RABGAP1L: variants seen among roughly 807,000 people sequenced by gnomAD.
The protein encoded by RABGAP1L is RAB GTPase activating protein 1 like, also known as rab GTPase-activating protein 1-like.
A neutral mutation model predicts 137.7 loss-of-function variants in RABGAP1L; 63 were observed. That is an observed-to-expected ratio of 0.46 (90% confidence interval 0.37 to 0.56). RABGAP1L has a LOEUF of 0.56. Among genes scored for constraint, RABGAP1L ranks in the 20% least tolerant of loss-of-function variants. The pLI, the probability that RABGAP1L is intolerant of heterozygous loss-of-function variation, is 0.00. For synonymous variants in RABGAP1L, 431 were observed against 433.7 expected, an observed-to-expected ratio of 0.99 and a Z score of 0.08; for missense variants, 1,095 against 1,244.0, an observed-to-expected ratio of 0.88 and a Z score of 1.80.
At chr1:174,412,689 GA>G (rs1291186199) in intron 13 of RABGAP1L, among the ~76,000 whole-genome samples, 1 of 152,012 alleles carries the variant, frequency 6.6e-6, no homozygotes, top group African/African-American at 2.4e-5. Flanking sequence ...TTGCTCGTCT[GA>G]AAAAGGTTTT....
intron 20 of RABGAP1L, chr1:174,965,062 A>G: frequency 9.1e-7 from 1 of 1,095,108 alleles, no homozygotes; most frequent in East Asian, 2.6e-5. Context: ...TCCTCCTCCC[A>G]AAAGTTACTA....
At chr1:174,722,402 C>T (rs1337618736) in intron 17 of RABGAP1L, among the ~76,000 whole-genome samples, 3 of 151,470 alleles carry the variant, frequency 2.0e-5, no homozygotes, top group Non-Finnish European at 2.9e-5. Flanking sequence ...ATTAGGGTCT[C>T]GGAACATGAA....
chr1:174,859,970 TTTTTTTC>T (rs1223416659), intron 19 of RABGAP1L, among the ~76,000 whole-genome samples: 6 of 130,122 alleles, frequency 4.6e-5, no homozygotes, highest in African/African-American at 7.4e-5. Flanking sequence ...TTTTTTTTTT[TTTTTTTC>T]CAAATAAAGT....
intron 11 of RABGAP1L, among the ~76,000 whole-genome samples, chr1:174,306,899 T>C (rs573009760): frequency 6.6e-6 from 1 of 152,216 alleles, no homozygotes; most frequent in Non-Finnish European, 1.5e-5. Context: ...AGTAAATTTC[T>C]TAATTTTTAT....
chr1:174,274,337 A>G (rs1234193496), intron 8 of RABGAP1L, among the ~76,000 whole-genome samples: 1 of 152,040 alleles, frequency 6.6e-6, no homozygotes, highest in Non-Finnish European at 1.5e-5. Context: ...TGAATGATGG[A>G]CCCATACTTT....
At chr1:174,830,513 A>G (rs1295127089) in intron 19 of RABGAP1L, among the ~76,000 whole-genome samples, 3 of 145,948 alleles carry the variant, frequency 2.1e-5, no homozygotes, top group East Asian at 2.1e-4. Context: ...GTCTCACTCT[A>G]TCTCCCAGGC....
At chr1:174,736,167 C>T (rs1048140942) in intron 17 of RABGAP1L, among the ~76,000 whole-genome samples, 4 of 152,184 alleles carry the variant, frequency 2.6e-5, no homozygotes, top group Non-Finnish European at 4.4e-5. Flanking sequence ...ATCCTTCTAC[C>T]TGTAAGTCTA....
intron 4 of RABGAP1L, among the ~76,000 whole-genome samples, chr1:174,240,389 G>A (rs561798782): frequency 4.6e-5 from 7 of 152,300 alleles, no homozygotes; most frequent in Non-Finnish European, 8.8e-5. Flanking sequence ...TGGGAATACC[G>A]GTTCCCACCG....
chr1:174,597,275 T>C (rs1670020159), intron 13 of RABGAP1L, among the ~76,000 whole-genome samples: 1 of 152,234 alleles, frequency 6.6e-6, no homozygotes, highest in Non-Finnish European at 1.5e-5. Flanking sequence ...TTTTTTGGAA[T>C]AGTTTGAATA....
At chr1:174,302,032 GTC>G (rs1481773741) in intron 10 of RABGAP1L, among the ~76,000 whole-genome samples, 1 of 152,192 alleles carries the variant, frequency 6.6e-6, no homozygotes, top group Non-Finnish European at 1.5e-5. Flanking sequence ...TCCTGCCACT[GTC>G]AATATAAAGA....
chr1:174,273,796 C>T (rs957622676), intron 8 of RABGAP1L, among the ~76,000 whole-genome samples: 1 of 152,088 alleles, frequency 6.6e-6, no homozygotes, highest in Middle Eastern at 3.2e-3. Flanking sequence ...CTGGTATAAA[C>T]TTCTGAGGCC....
chr1:174,948,509 CA>C (rs3086627), intron 19 of RABGAP1L, among the ~76,000 whole-genome samples: 677 of 64,860 alleles, frequency 0.01, 2 homozygotes, highest in East Asian at 0.019. Flanking sequence ...GACCCTGCCT[CA>C]AAAAAAAAAA....
At chr1:174,520,694 A>G (rs1046270131) in intron 13 of RABGAP1L, among the ~76,000 whole-genome samples, 1 of 152,280 alleles carries the variant, frequency 6.6e-6, no homozygotes, top group African/African-American at 2.4e-5. Context: ...TCCTCTAGAC[A>G]TCTGATTTAA....
At chr1:174,483,231 T>G (rs1026384098) in intron 13 of RABGAP1L, among the ~76,000 whole-genome samples, 9 of 152,166 alleles carry the variant, frequency 5.9e-5, no homozygotes, top group Admixed American at 2.0e-4. Context: ...GTTTTACTCA[T>G]ACTTTCTATT....
chr1:174,318,702 A>C (rs761321713), intron 11 of RABGAP1L, among the ~76,000 whole-genome samples: 13 of 147,714 alleles, frequency 8.8e-5, no homozygotes, highest in African/African-American at 3.0e-4. Flanking sequence ...GTGATTAATA[A>C]TATTTTATAA....
intron 22 of RABGAP1L, among the ~76,000 whole-genome samples, chr1:174,977,604 T>C (rs1464167342): frequency 6.6e-6 from 1 of 152,212 alleles, no homozygotes; most frequent in East Asian, 1.9e-4. Context: ...TCTGTGTGTG[T>C]GTAACTGTTT....
chr1:174,819,187 TAAAAAAAAAA>T (rs71299431), intron 19 of RABGAP1L, among the ~76,000 whole-genome samples: 2 of 44,840 alleles, frequency 4.5e-5, no homozygotes, highest in East Asian at 7.9e-4. Flanking sequence ...TGCCTGTCTC[TAAAAAAAAAA>T]AAAAAAAAAA....
rs148564047 is a variant in RABGAP1L, at chr1:174,829,905, C to T, written c.2340+17945C>T. On this transcript the variant is annotated intron_variant, in intron 19 of 25. Transcript: ENST00000681986. ...GTATATCTGCATATTTATGGTTGCC[C>T]ATTGTATCAATTATCTATTGCTGTA... Among the ~76,000 whole-genome samples, 44 of 148,192 alleles carry T rather than the reference C, an allele frequency of 3.0e-4. 1 individual carries two copies. The highest frequency in any genetic ancestry group is 9.8e-4 in the African/African-American group (40 of 40,642).
At chr1:174,506,132 G>A (rs1486304865) in intron 13 of RABGAP1L, among the ~76,000 whole-genome samples, 1 of 152,202 alleles carries the variant, frequency 6.6e-6, no homozygotes, top group East Asian at 1.9e-4. Flanking sequence ...CCAGAGGCTG[G>A]AGGCTGGAGG....
Sources: gnomAD v4.1 joint callset for allele counts (sites outside exome capture counted in the v4.1 genomes callset) on GRCh38, gnomAD v4.1.1 for gene constraint, MANE v1.5 for transcripts, NCBI Gene and HGNC (gene_info 2026-07-23, HGNC 2026-07-21) for gene names.